The following PITPNC1 variants were observed in gnomAD, a reference collection of about 807,000 sequenced individuals.
The protein encoded by PITPNC1 is phosphatidylinositol transfer protein cytoplasmic 1.
PITPNC1 carries 18 observed loss-of-function variants against 44.7 expected under a neutral mutation model. The ratio of observed to expected loss-of-function variants is 0.40; its 90% CI spans 0.28 to 0.60. The LOEUF (loss-of-function observed/expected upper bound fraction) is 0.60. Among genes scored for constraint, PITPNC1 ranks in the 20% least tolerant of loss-of-function variants. The pLI, the probability that PITPNC1 is intolerant of heterozygous loss-of-function variation, is 0.39. For synonymous variants in PITPNC1, 141 were observed against 149.6 expected (o/e 0.94, Z 0.42); for missense variants, 290 against 418.4 (o/e 0.69, Z 2.68).
intron 5 of PITPNC1, among the ~76,000 whole-genome samples, chr17:67,603,101 C>A (rs570792447): frequency 6.6e-6 from 1 of 152,264 alleles, no homozygotes; most frequent in South Asian, 2.1e-4. Flanking sequence ...GCAGTACTCA[C>A]AGGATTCAAT....
At chr17:67,650,136 T>G (rs529339015) in intron 6 of PITPNC1, among the ~76,000 whole-genome samples, 2 of 152,334 alleles carry the variant, frequency 1.3e-5, no homozygotes, top group South Asian at 2.1e-4. Flanking sequence ...GAGCTTGTTA[T>G]GCATCCCAAA....
intron 1 of PITPNC1, among the ~76,000 whole-genome samples, chr17:67,438,526 A>C (rs938206470): frequency 6.6e-6 from 1 of 152,076 alleles, no homozygotes; most frequent in African/African-American, 2.4e-5. Flanking sequence ...ATGTTGGCCA[A>C]GCTGGTCTTG....
At chr17:67,434,008 C>T (rs1442810552) in intron 1 of PITPNC1, among the ~76,000 whole-genome samples, 1 of 152,148 alleles carries the variant, frequency 6.6e-6, no homozygotes, top group Non-Finnish European at 1.5e-5. Context: ...GCCGAGACCA[C>T]AAATGGTCCT....
At chr17:67,633,319 C>T (rs1249452844) in intron 6 of PITPNC1, among the ~76,000 whole-genome samples, 1 of 152,238 alleles carries the variant, frequency 6.6e-6, no homozygotes, top group African/African-American at 2.4e-5. Context: ...AATAAATAAA[C>T]TTATTCAAAA....
chr17:67,463,199 G>C (rs2039369656), intron 1 of PITPNC1, among the ~76,000 whole-genome samples: 1 of 151,970 alleles, frequency 6.6e-6, no homozygotes, highest in African/African-American at 2.4e-5. Context: ...AAATACTTCT[G>C]CATAGCAAGT....
At chr17:67,679,061 C>T (rs537251561) in intron 8 of PITPNC1, among the ~76,000 whole-genome samples, 2 of 152,310 alleles carry the variant, frequency 1.3e-5, no homozygotes, top group Admixed American at 1.3e-4. Flanking sequence ...TTTTAACAAG[C>T]CCTCCAGATG....
chr17:67,417,341 G>T (rs1263352876), intron 1 of PITPNC1, among the ~76,000 whole-genome samples: 1 of 151,414 alleles, frequency 6.6e-6, no homozygotes, highest in East Asian at 2.0e-4. Context: ...GTTTGCCCAG[G>T]CTGGTCTCGA....
At chr17:67,433,318 G>C (rs1281484715) in intron 1 of PITPNC1, among the ~76,000 whole-genome samples, 1 of 152,202 alleles carries the variant, frequency 6.6e-6, no homozygotes. Flanking sequence ...CGGGCTGCGG[G>C]AGCGAGCCTG....
At chr17:67,465,436 G>T (rs777080721) in intron 1 of PITPNC1, among the ~76,000 whole-genome samples, 1 of 152,166 alleles carries the variant, frequency 6.6e-6, no homozygotes, top group South Asian at 2.1e-4. Context: ...GCTTGAAAAA[G>T]ACTTGGTGGC....
chr17:67,643,895 G>T (rs139557921), intron 6 of PITPNC1, among the ~76,000 whole-genome samples: 1 of 152,156 alleles, frequency 6.6e-6, no homozygotes, highest in Non-Finnish European at 1.5e-5. Context: ...ATGTGTCTTT[G>T]GAAAGTGGCC....
At chr17:67,405,412 G>GTC (rs1273208185) in intron 1 of PITPNC1, among the ~76,000 whole-genome samples, 2 of 147,358 alleles carry the variant, frequency 1.4e-5, no homozygotes, top group African/African-American at 5.1e-5. Context: ...GCAAGACCCT[G>GTC]TCTCAAAAAA....
intron 1 of PITPNC1, among the ~76,000 whole-genome samples, chr17:67,506,188 C>A (rs2040098821): frequency 6.6e-6 from 1 of 152,068 alleles, no homozygotes; most frequent in South Asian, 2.1e-4. Flanking sequence ...TTGTAACTGG[C>A]TTTTACCTAC....
intron 1 of PITPNC1, among the ~76,000 whole-genome samples, chr17:67,412,201 C>G (rs957045247): frequency 1.4e-4 from 22 of 152,198 alleles, no homozygotes; most frequent in Non-Finnish European, 2.8e-4. Context: ...ATTAATACTA[C>G]TCCTACAAAT....
chr17:67,442,118 C>CTTTAGGACTGCCTCTCCTCATTT (rs1439376782), intron 1 of PITPNC1, among the ~76,000 whole-genome samples: 3 of 149,050 alleles, frequency 2.0e-5, no homozygotes, highest in Non-Finnish European at 4.4e-5. Flanking sequence ...TTTACTATTG[C>CTTTAGGACTGCCTCTCCTCATTT]TTTAGGACTG....
intron 3 of PITPNC1, 46 bp downstream of exon 3, chr17:67,552,391 A>G (rs780917661): frequency 1.1e-6 from 1 of 951,990 alleles, no homozygotes; most frequent in Admixed American, 1.7e-5. Context: ...GAGTGCAAGG[A>G]CATAGCATAG....
chr17:67,418,515 CA>C, intron 1 of PITPNC1, among the ~76,000 whole-genome samples: 1 of 152,030 alleles, frequency 6.6e-6, no homozygotes, highest in South Asian at 2.1e-4. Context: ...GGGAAGGAAG[CA>C]AAAGAACAAA....
intron 8 of PITPNC1, among the ~76,000 whole-genome samples, chr17:67,683,290 AATC>A (rs1204231457): frequency 6.6e-6 from 1 of 152,160 alleles, no homozygotes; most frequent in Non-Finnish European, 1.5e-5. Flanking sequence ...AATAAAGATG[AATC>A]ATCATTACTG....
intron 1 of PITPNC1, among the ~76,000 whole-genome samples, chr17:67,399,483 T>G (rs1353449614): frequency 6.6e-6 from 1 of 152,202 alleles, no homozygotes; most frequent in Non-Finnish European, 1.5e-5. Flanking sequence ...TGTTGAGAGT[T>G]GTCTCCGCTG....
intron 6 of PITPNC1, chr17:67,637,732 T>A (rs2642064): frequency 0.3 from 45,084 of 152,030 alleles, 10,068 homozygotes; most frequent in African/African-American, 0.62. Flanking sequence ...AGCCCAGCTC[T>A]GTGCTTTCCT....
Sources: gnomAD v4.1 joint callset for allele counts (sites outside exome capture counted in the v4.1 genomes callset) on GRCh38, gnomAD v4.1.1 for gene constraint, MANE v1.5 for transcripts, NCBI Gene and HGNC (gene_info 2026-07-23, HGNC 2026-07-21) for gene names.